Variants in ZNF646 observed in about 807,000 individuals in gnomAD.
ZNF646 encodes the protein zinc finger protein 646.
In ZNF646, 49 loss-of-function variants were observed where a neutral mutation model predicts 115.4. The ratio of observed to expected loss-of-function variants is 0.42; its 90% CI spans 0.34 to 0.54. The LOEUF (loss-of-function observed/expected upper bound fraction) is 0.54. ZNF646 is among the 20% of genes least tolerant of loss of function. The pLI is 0.04. For synonymous variants in ZNF646, 933 were observed against 939.0 expected (o/e 0.99, Z 0.12); for missense variants, 2,269 against 2,457.9 (o/e 0.92, Z 1.62).
In ZNF646 at chr16:31,081,577, GC is replaced by G. The variant is rs1360158450; in HGVS notation, c.5254del (p.Arg1752GlyfsTer48). 6.2e-7 allele frequency: 1 copy of G among 1,613,280 alleles called. No homozygotes were observed. The highest frequency in any genetic ancestry group is 8.5e-7 in the Non-Finnish European group (1 of 1,179,908). On this transcript the variant is annotated frameshift_variant, in exon 2 of 3. Transcript: ENST00000300850. LOFTEE classifies it high-confidence loss of function. ...RTAARLEGHG[R>X]VHAPREGPFT... ...CAGCTGCCCGGCTGGAGGGCCACGG[GC>G]GGGTCCATGCACCCCGGGAGGGGCC...
chr16:31,081,319 G>A lies in ZNF646; in HGVS notation c.4995G>A (p.Val1665=), dbSNP rs191398374. 2.2e-5 allele frequency: 35 copies of A among 1,613,936 alleles called. No homozygotes were observed. Among genetic ancestry groups the A allele is most frequent in the Non-Finnish European group, 2.5e-5 (29 of 1,179,878 alleles). The part of the protein sequence containing the change: ...SVERARGGQA[V]TSMAAEDKER... The stretch of plus-strand genomic sequence containing the variant: ...AGAGAGCCAGGGGAGGACAAGCGGT[G>A]ACGTCCATGGCGGCTGAGGACAAGG... The change falls in exon 2 of 3, where the codon GTG becomes GTA. Residue 1665 remains valine, a synonymous_variant. Coordinates refer to ENST00000300850, the MANE Select transcript of ZNF646 (RefSeq NM_014699.4).
rs2057095502 is a variant in ZNF646 at position 31,077,686 on chromosome 16, G to A, written c.1362G>A (p.Glu454=). 1.9e-6 allele frequency: 3 copies of A among 1,613,964 alleles called. No homozygotes were observed. Among genetic ancestry groups the A allele is most frequent in the Non-Finnish European group, 2.5e-6 (3 of 1,180,026 alleles). ...LLAETTHKEE[E]DPTTTLDHRP... ...CTGAGACCACCCACAAAGAGGAAGAGGACCCCACCACCACCCTGGACCATC... is the reference window on the plus strand; with the variant it reads ...CTGAGACCACCCACAAAGAGGAAGAAGACCCCACCACCACCCTGGACCATC... The change falls in exon 2 of 3, where the codon GAG becomes GAA. Residue 454 remains glutamate (E), a synonymous_variant. Transcript: ENST00000300850.
In ZNF646 at chr16:31,083,759, T is replaced by A; in HGVS notation, c.*667T>A. ...AGTAATGCCATTTGCCTGCCTGCAT[T>A]CTCTTGTCCTGAGAATGGCCAGGTC... On this transcript the variant is annotated 3_prime_UTR_variant, in exon 3 of 3. Transcript: ENST00000300850. 2 of 1,614,130 alleles carry A rather than the reference T, an allele frequency of 1.2e-6. No homozygotes were observed. The highest frequency in any genetic ancestry group is 1.7e-6 in the Non-Finnish European group (2 of 1,180,002).
chr16:31,081,089 G>A lies in ZNF646; in HGVS notation c.4765G>A (p.Asp1589Asn). 14 of 1,613,724 alleles carry A rather than the reference G, an allele frequency of 8.7e-6. No individual in the cohort carries two copies. Among genetic ancestry groups the A allele is most frequent in the Non-Finnish European group, 1.1e-5 (13 of 1,179,920 alleles). The change falls in exon 2 of 3, where the codon GAC (aspartate) becomes AAC (asparagine). Residue 1589 changes from aspartate to asparagine, a missense_variant. Asp to Asn is a conservative substitution (Grantham distance 23). Around this residue, in one of 5 missense-constraint regions of ZNF646, gnomAD observed 1,062 missense variants for 1,172.8 expected, o/e 0.91. Coordinates refer to ENST00000300850, the MANE Select transcript of ZNF646 (RefSeq NM_014699.4). ...AGACGCCCAGACCTTTGCCTGTCCT[G>A]ACTGTGGCAAAGCCTTTGAGTCCCA... is the stretch of plus-strand genomic sequence containing the variant. Reference protein sequence around the residue: ...HIDAQTFACPDCGKAFESHQE... With the variant: ...HIDAQTFACPNCGKAFESHQE...
chr16:31,080,213 C>G lies in ZNF646; in HGVS notation c.3889C>G (p.Arg1297Gly), dbSNP rs753952618. 3 of 1,610,080 alleles carry G rather than the reference C, an allele frequency of 1.9e-6. No homozygotes were observed. Among genetic ancestry groups the G allele is most frequent in the African/African-American group, 2.7e-5 (2 of 74,850 alleles). ...CACCCGAAAGGCGACTCGGGAAGAT[C>G]GGCCCTTCCGCTGTGGGCAGTGCGG... Reference protein sequence around the residue: ...GGTRKATREDRPFRCGQCGRT... With the variant: ...GGTRKATREDGPFRCGQCGRT... Residue 1297 changes from arginine (R) to glycine (G), a missense_variant, in exon 2 of 3, where the codon CGG (arginine) becomes GGG (glycine). Transcript: ENST00000300850.
In ZNF646 at chr16:31,077,216, C is replaced by A. The variant is rs1596768072; in HGVS notation, c.892C>A (p.His298Asn). ...HAQYRPYHCP[H>N]CPRVFRLPRE... ...CCAGTATCGGCCTTACCACTGTCCC[C>A]ACTGCCCCCGTGTCTTCCGGCTCCC... Residue 298 changes from histidine (H) to asparagine (N), a missense_variant, in exon 2 of 3, where the codon CAC becomes AAC. By Grantham distance (68) the His-to-Asn change is moderately conservative. This residue lies in a region of ZNF646 where 852 missense variants were observed against 900.2 expected (regional missense o/e 0.95). Transcript: ENST00000300850. 3.7e-6 allele frequency: 6 copies of A among 1,614,168 alleles called. No individual in the cohort carries two copies. In the South Asian group the frequency reaches 6.6e-5, roughly 18 times the overall value.
intron 2 of ZNF646, 157 bp downstream of exon 2, chr16:31,081,858 A>G (rs2057166253): frequency 7.8e-7 from 1 of 1,281,946 alleles, no homozygotes; most frequent in Non-Finnish European, 1.1e-6. Context: ...AAGTAGCTTG[A>G]GGATGTGCTG....
In ZNF646 at chr16:31,079,888, T is replaced by C. The variant is rs3751855; in HGVS notation, c.3564T>C (p.Thr1188=). 0.4 allele frequency: 651,290 copies of C among 1,609,792 alleles called. 140,789 individuals are homozygous for C. Among genetic ancestry groups the C allele is most frequent in the South Asian group, 0.7 (63,273 of 90,866 alleles). ...AGGAGATAGAGCCCAGGCTGGAGAC[T>C]GCCGAGAAGGGCTGCCAGACTGAAG... ...KGEEIEPRLE[T]AEKGCQTEAS... The change falls in exon 2 of 3, where the codon ACT becomes ACC. Residue 1188 remains threonine (T), a synonymous_variant. Coordinates refer to ENST00000300850, the MANE Select transcript of ZNF646 (RefSeq NM_014699.4). This position sits in a 1 kb window ranked among gnomAD's most constrained non-coding sequence, Gnocchi z 5.5.
rs369638401 is a variant in ZNF646, at chr16:31,077,077, C to T, written c.753C>T (p.Ala251=). ...AGTGTGGCAAGACCTACAAGCACGC[C>T]GGGAGCCTCACCAACCACCGCCAGA... ...CSQCGKTYKH[A]GSLTNHRQSH... Residue 251 remains alanine, a synonymous_variant, in exon 2 of 3, where the codon GCC becomes GCT. Coordinates refer to ENST00000300850, the MANE Select transcript of ZNF646 (RefSeq NM_014699.4). 7.0e-5 allele frequency: 113 copies of T among 1,613,970 alleles called. No homozygotes were observed. The highest frequency in any genetic ancestry group is 2.0e-4 in the Admixed American group (12 of 60,006).
At position 31,081,070 on chromosome 16, in the gene ZNF646, C is replaced by T. The variant is rs371730329; in HGVS notation, c.4746C>T (p.Ala1582=). Reference sequence around the variant, plus strand: ...GCCACAGCCACAACCACATAGACGCCCAGACCTTTGCCTGTCCTGACTGTG... The same window carrying T: ...GCCACAGCCACAACCACATAGACGCTCAGACCTTTGCCTGTCCTGACTGTG... ...TKSHSHNHID[A]QTFACPDCGK... Residue 1582 remains alanine (A), a synonymous_variant, in exon 2 of 3, where the codon GCC becomes GCT. Coordinates refer to ENST00000300850, the MANE Select transcript of ZNF646 (RefSeq NM_014699.4). The T allele has an allele frequency of 6.2e-7, 1 of 1,613,858 alleles. No individual in the cohort carries two copies. Among genetic ancestry groups the T allele is most frequent in the Non-Finnish European group, 8.5e-7 (1 of 1,180,034 alleles).
Position 31,081,710 on chromosome 16 carries a change from C to A in ZNF646, c.5377+9C>A. The A allele has an allele frequency of 6.4e-7, 1 of 1,568,284 alleles. No homozygotes were observed. Among genetic ancestry groups the A allele is most frequent in the Non-Finnish European group, 8.7e-7 (1 of 1,155,074 alleles). Reference sequence around the variant, plus strand: ...GACGGTGGCCGGCTCCGGTAGGGGGCATGAAGGGTCCCAGGAGGAGGTGGG... The same window carrying A: ...GACGGTGGCCGGCTCCGGTAGGGGGAATGAAGGGTCCCAGGAGGAGGTGGG... On this transcript the variant is annotated intron_variant, in intron 2 of 2. Coordinates refer to ENST00000300850, the MANE Select transcript of ZNF646 (RefSeq NM_014699.4).
In ZNF646 at chr16:31,077,396, A is replaced by C; in HGVS notation, c.1072A>C (p.Ser358Arg). The change falls in exon 2 of 3, where the codon AGC (serine) becomes CGC (arginine). Residue 358 changes from serine (S) to arginine (R), a missense_variant. This residue lies in a region of ZNF646 where 852 missense variants were observed against 900.2 expected (regional missense o/e 0.95). Coordinates refer to ENST00000300850, the MANE Select transcript of ZNF646 (RefSeq NM_014699.4). Reference sequence around the variant, plus strand: ...GATGCTGAATGGCTCTGCGGAGCTCAGCACCTCTGGGGAGCTGGAGGACAG... The same window carrying C: ...GATGCTGAATGGCTCTGCGGAGCTCCGCACCTCTGGGGAGCTGGAGGACAG... ...AQMLNGSAEL[S>R]TSGELEDSGL... 6.2e-7 allele frequency: 1 copy of C among 1,613,058 alleles called. No homozygotes were observed. Among genetic ancestry groups the C allele is most frequent in the East Asian group, 2.2e-5 (1 of 44,870 alleles).
rs199840243 is a variant in ZNF646 at position 31,080,156 on chromosome 16, C to T, written c.3832C>T (p.Arg1278Trp). The change falls in exon 2 of 3, where the codon CGG (arginine) becomes TGG (tryptophan). Residue 1278 changes from arginine (R) to tryptophan (W), a missense_variant. Physicochemically the swap from Arg to Trp is moderately radical, Grantham distance 101. Around this residue, in one of 5 missense-constraint regions of ZNF646, gnomAD observed 1,062 missense variants for 1,172.8 expected, o/e 0.91. Coordinates refer to ENST00000300850, the MANE Select transcript of ZNF646 (RefSeq NM_014699.4). ...GCGGAAACAGCTGGCCAGCCACCAGCGGGTCCACATGGAACGGCGTGGGGG... is the reference window on the plus strand; with the variant it reads ...GCGGAAACAGCTGGCCAGCCACCAGTGGGTCCACATGGAACGGCGTGGGGG... ...RLRKQLASHQ[R>W]VHMERRGGGG... 13 of 1,612,310 alleles carry T rather than the reference C, an allele frequency of 8.1e-6. No homozygotes were observed. The highest frequency in any genetic ancestry group is 3.3e-5 in the South Asian group (3 of 91,030).
In ZNF646 at chr16:31,076,773, G is replaced by T; in HGVS notation, c.449G>T (p.Cys150Phe). The T allele has an allele frequency of 6.2e-7, 1 of 1,613,936 alleles. No homozygotes were observed. The highest frequency in any genetic ancestry group is 1.1e-5 in the South Asian group (1 of 91,090). The stretch of plus-strand genomic sequence containing the variant: ...AAACATACAGAAGAGACACCTGACT[G>T]TGAATCTGTACCTGACCCCAGGGCA... ...QTKHTEETPD[C>F]ESVPDPRAAS... Residue 150 changes from cysteine to phenylalanine, a missense_variant, in exon 2 of 3, where the codon TGT (cysteine) becomes TTT (phenylalanine). Around this residue, in one of 5 missense-constraint regions of ZNF646, gnomAD observed 334 missense variants for 323.5 expected, o/e 1.03. Transcript: ENST00000300850.
Position 31,081,253 on chromosome 16 carries a change from G to A in ZNF646, c.4929G>A (p.Glu1643=), listed in dbSNP as rs558009960. 9 of 1,602,486 alleles carry A rather than the reference G, an allele frequency of 5.6e-6. No individual in the cohort carries two copies. In the Admixed American group the frequency reaches 1.4e-4, roughly 24 times the overall value. The change falls in exon 2 of 3, where the codon GAG becomes GAA. Residue 1643 remains glutamate (E), a synonymous_variant. Coordinates refer to ENST00000300850, the MANE Select transcript of ZNF646 (RefSeq NM_014699.4). The part of the protein sequence containing the change: ...VVLPGQGKAQ[E]APSETPRGPG... ...TCCCTGGTCAAGGGAAAGCCCAGGA[G>A]GCCCCATCAGAAACCCCCAGAGGCC...
rs745341193 is a variant in ZNF646 at position 31,080,894 on chromosome 16, C to T, written c.4570C>T (p.Gln1524Ter). The T allele has an allele frequency of 4.3e-6, 7 of 1,614,080 alleles. No individual in the cohort carries two copies. The highest frequency in any genetic ancestry group is 5.9e-6 in the Non-Finnish European group (7 of 1,180,024). The change falls in exon 2 of 3, where the codon CAG becomes TAG. Residue 1524 changes from glutamine (Q) to a stop codon, truncating the protein, a stop_gained. Transcript: ENST00000300850. LOFTEE classifies it high-confidence loss of function. ...DSWDNRDNSS[Q>*]LQPGSHSSCS... ...CTGGGACAACAGAGACAACAGCTCT[C>T]AGCTGCAGCCAGGGAGCCACTCCTC...
chr16:31,077,090 A>G lies in ZNF646; in HGVS notation c.766A>G (p.Asn256Asp). The G allele has an allele frequency of 6.2e-7, 1 of 1,614,076 alleles. No homozygotes were observed. The highest frequency in any genetic ancestry group is 8.5e-7 in the Non-Finnish European group (1 of 1,180,000). Reference sequence around the variant, plus strand: ...CTACAAGCACGCCGGGAGCCTCACCAACCACCGCCAGAGCCACACGCTGGG... The same window carrying G: ...CTACAAGCACGCCGGGAGCCTCACCGACCACCGCCAGAGCCACACGCTGGG... Reference protein sequence around the residue: ...KTYKHAGSLTNHRQSHTLGIY... With the variant: ...KTYKHAGSLTDHRQSHTLGIY... Residue 256 changes from asparagine to aspartate, a missense_variant, in exon 2 of 3, where the codon AAC (asparagine) becomes GAC (aspartate). This residue lies in a region of ZNF646 where 19 missense variants were observed against 44.9 expected (regional missense o/e 0.42). Transcript: ENST00000300850.
rs373725273 is a variant in ZNF646, at chr16:31,077,225, C to T, written c.901C>T (p.Arg301Cys). ...YRPYHCPHCPRVFRLPRELLE... is the reference protein window; with the variant it reads ...YRPYHCPHCPCVFRLPRELLE... ...GCCTTACCACTGTCCCCACTGCCCC[C>T]GTGTCTTCCGGCTCCCCCGGGAGCT... The change falls in exon 2 of 3, where the codon CGT (arginine) becomes TGT (cysteine). Residue 301 changes from arginine to cysteine, a missense_variant. Arg to Cys is a radical substitution (Grantham distance 180). Coordinates refer to ENST00000300850, the MANE Select transcript of ZNF646 (RefSeq NM_014699.4). The T allele has an allele frequency of 1.7e-5, 27 of 1,614,038 alleles. No homozygotes were observed. The highest frequency in any genetic ancestry group is 1.9e-5 in the Non-Finnish European group (23 of 1,180,026).
chr16:31,074,910 T>C (rs1327865534), intron 1 of ZNF646: 2 of 151,936 alleles, frequency 1.3e-5, no homozygotes. Flanking sequence ...GAGTCAGAGT[T>C]GGAGAAGGAC....
Sources: allele counts gnomAD v4.1 joint callset, GRCh38; gene constraint gnomAD v4.1.1; regional missense constraint gnomAD v4.1.1; non-coding constraint Gnocchi (gnomAD v3.1); transcripts MANE v1.5; gene names NCBI Gene and HGNC (gene_info 2026-07-23, HGNC 2026-07-21).